Variants in MCTP1 observed in about 807,000 individuals in gnomAD.
The protein encoded by MCTP1 is multiple C2 and transmembrane domain-containing protein 1.
Under a neutral mutation model 120.6 loss-of-function variants are expected in MCTP1, and 69 were observed. The observed-to-expected ratio is 0.57, with a 90% CI of 0.47 to 0.70. MCTP1 has a LOEUF of 0.70. Among genes scored for constraint, MCTP1 ranks in the 30% least tolerant of loss-of-function variants. The probability of loss-of-function intolerance (pLI) is 0.00; values close to 1 mark genes in which losing one functional copy is unlikely to be tolerated. For missense variants in MCTP1, 1,203 were observed against 1,248.8 expected (o/e 0.96, Z 0.55); for synonymous variants, 529 against 493.1 (o/e 1.07, Z -0.96).
At chr5:95,155,907 A>T (rs1745070225) in intron 1 of MCTP1, among the ~76,000 whole-genome samples, 1 of 152,184 alleles carries the variant, frequency 6.6e-6, no homozygotes, top group African/African-American at 2.4e-5. Context: ...CCATTACATG[A>T]TCTGCACCCT....
At chr5:94,993,444 C>G (rs1832004500) in intron 2 of MCTP1, among the ~76,000 whole-genome samples, 1 of 151,994 alleles carries the variant, frequency 6.6e-6, no homozygotes. Context: ...TTTCCCAGGA[C>G]TATTTTCTCT....
At chr5:95,190,841 T>A (rs1278350266) in intron 1 of MCTP1, among the ~76,000 whole-genome samples, 1 of 152,044 alleles carries the variant, frequency 6.6e-6, no homozygotes, top group East Asian at 1.9e-4. Context: ...AAAAACTAAC[T>A]TTTAACAACA....
intron 1 of MCTP1, among the ~76,000 whole-genome samples, chr5:95,214,413 G>A (rs1454817281): frequency 1.3e-5 from 2 of 152,094 alleles, no homozygotes; most frequent in Non-Finnish European, 2.9e-5. Flanking sequence ...TTACACTGTT[G>A]GTGGGACTGT....
intron 1 of MCTP1, among the ~76,000 whole-genome samples, chr5:95,021,405 T>G (rs1008796213): frequency 2.0e-5 from 3 of 152,090 alleles, no homozygotes; most frequent in Admixed American, 1.3e-4. Flanking sequence ...GTTTCTAGAT[T>G]AACAGGAATA....
chr5:94,879,956 T>C (rs1038648755), intron 12 of MCTP1, among the ~76,000 whole-genome samples: 5 of 152,166 alleles, frequency 3.3e-5, no homozygotes, highest in Non-Finnish European at 5.9e-5. Context: ...TCTTGAGTCT[T>C]GGAATTGAAC....
chr5:94,908,612 A>T (rs1466542180), intron 10 of MCTP1, among the ~76,000 whole-genome samples: 3 of 152,046 alleles, frequency 2.0e-5, no homozygotes, highest in Non-Finnish European at 4.4e-5. Flanking sequence ...CTACAAAGAC[A>T]CATATATAAC....
At chr5:94,876,805 C>T (rs1363188814) in intron 12 of MCTP1, among the ~76,000 whole-genome samples, 3 of 151,944 alleles carry the variant, frequency 2.0e-5, no homozygotes, top group African/African-American at 2.4e-5. Context: ...AGGAAATCAG[C>T]GTTCCTTGAG....
At chr5:95,237,764 C>CT (rs551758861) in intron 1 of MCTP1, among the ~76,000 whole-genome samples, 7 of 152,186 alleles carry the variant, frequency 4.6e-5, no homozygotes, top group Admixed American at 3.3e-4. Flanking sequence ...ATCCCAGCCT[C>CT]TTTTTTTGCT....
At chr5:95,068,687 A>T in intron 1 of MCTP1, 1 of 665,584 alleles carries the variant, frequency 1.5e-6, no homozygotes, top group Non-Finnish European at 2.1e-6. Context: ...GGTTTGCATT[A>T]CTATGGTTTT....
At chr5:94,993,728 C>A (rs902319435) in intron 2 of MCTP1, among the ~76,000 whole-genome samples, 1 of 152,018 alleles carries the variant, frequency 6.6e-6, no homozygotes, top group Non-Finnish European at 1.5e-5. Context: ...GGAACTGAAC[C>A]GTAAATAATG....
In MCTP1 at chr5:94,707,080, T is replaced by C. The variant is rs1170503316; in HGVS notation, c.*416A>G. On this transcript the variant is annotated 3_prime_UTR_variant, in exon 23 of 23. Transcript: ENST00000515393. ...ATAAAACATAGAAAAGTGTAATGGA[T>C]TACTTTTCAGATAAAAAATAGTCGC... 1 of 153,462 alleles carries C rather than the reference T, an allele frequency of 6.5e-6. No individual in the cohort carries two copies. The highest frequency in any genetic ancestry group is 1.4e-5 in the Non-Finnish European group (1 of 69,108). The allele number at this position is 153,462 out of a possible 1,614,324, so 9.5% of individuals were successfully genotyped here.
At chr5:95,066,848 T>C (rs1750782344) in intron 1 of MCTP1, among the ~76,000 whole-genome samples, 1 of 152,162 alleles carries the variant, frequency 6.6e-6, no homozygotes, top group South Asian at 2.1e-4. Flanking sequence ...GGTTTTGAAA[T>C]GAAACTGTTC....
rs146694344 is a variant in MCTP1 at position 95,266,201 on chromosome 5, A to C, written c.720+17655T>G. Among the ~76,000 whole-genome samples, 6 of 152,348 alleles carry C rather than the reference A, an allele frequency of 3.9e-5. No individual in the cohort carries two copies. In the East Asian group the frequency reaches 5.8e-4, roughly 15 times the overall value. ...AAGTGCCCTGCAAGGTTCTAGGATA[A>C]ATAAATATGCAGGCCATGGTTGAAA... On this transcript the variant is annotated intron_variant, in intron 1 of 22. Coordinates refer to ENST00000515393, the MANE Select transcript of MCTP1 (RefSeq NM_024717.7).
rs564234605 is a variant in MCTP1, at chr5:95,226,273, T to C, written c.720+57583A>G. 2.5e-3 allele frequency among the ~76,000 whole-genome samples: 387 copies of C among 152,294 alleles called. 3 individuals carry two copies. Among genetic ancestry groups the C allele is most frequent in the African/African-American group, 8.8e-3 (364 of 41,568 alleles). On this transcript the variant is annotated intron_variant, in intron 1 of 22. Coordinates refer to ENST00000515393, the MANE Select transcript of MCTP1 (RefSeq NM_024717.7). ...TTCTTGTTTTTTGGGGGAAAGCATGTTGTATATATTTAAATAGAGTATTGT... is the reference window on the plus strand; with the variant it reads ...TTCTTGTTTTTTGGGGGAAAGCATGCTGTATATATTTAAATAGAGTATTGT...
intron 17 of MCTP1, among the ~76,000 whole-genome samples, chr5:94,806,717 C>T (rs965120515): frequency 5.3e-5 from 8 of 152,212 alleles, no homozygotes; most frequent in Admixed American, 3.3e-4. Flanking sequence ...GAAATCTCAT[C>T]CAAAATGATT....
chr5:95,153,479 C>T lies in MCTP1; in HGVS notation c.720+130377G>A, dbSNP rs540334785. On this transcript the variant is annotated intron_variant, in intron 1 of 22. Transcript: ENST00000515393. ...TTGCCAGTTCAACTAGCAGGCCCAG[C>T]AGGCCAAACACACAATAAACTGTGC... 2.6e-5 allele frequency among the ~76,000 whole-genome samples: 4 copies of T among 152,332 alleles called. No homozygotes were observed. In the East Asian group the frequency reaches 5.8e-4, roughly 22 times the overall value.
chr5:95,170,213 G>A (rs972320226), intron 1 of MCTP1, among the ~76,000 whole-genome samples: 1 of 152,202 alleles, frequency 6.6e-6, no homozygotes, highest in African/African-American at 2.4e-5. Flanking sequence ...CCATGTAGTT[G>A]AGTGGTTTTC....
chr5:94,812,466 A>C (rs184004510), intron 17 of MCTP1, among the ~76,000 whole-genome samples: 1 of 150,056 alleles, frequency 6.7e-6, no homozygotes, highest in East Asian at 1.9e-4. Flanking sequence ...AAAAAAAAAA[A>C]AAACCCAAAA....
intron 1 of MCTP1, among the ~76,000 whole-genome samples, chr5:95,131,665 C>T (rs775977067): frequency 6.6e-6 from 1 of 151,986 alleles, no homozygotes; most frequent in Non-Finnish European, 1.5e-5. Context: ...TTCATTTACT[C>T]TTTATCTCTC....
Sources: allele counts gnomAD v4.1 joint callset (sites outside exome capture counted in the v4.1 genomes callset), GRCh38; gene constraint gnomAD v4.1.1; transcripts MANE v1.5; gene names NCBI Gene and HGNC (gene_info 2026-07-23, HGNC 2026-07-21).